Variants in PARD3 observed in about 807,000 individuals in gnomAD.
PARD3 encodes the protein par-3 family cell polarity regulator.
In PARD3, 75 loss-of-function variants were observed where a neutral mutation model predicts 155.4. The ratio of observed to expected loss-of-function variants is 0.48; its 90% confidence interval spans 0.40 to 0.58. The LOEUF (loss-of-function observed/expected upper bound fraction) is 0.58, where lower values mean the gene tolerates loss of function less well. Among genes scored for constraint, PARD3 ranks in the 20% least tolerant of loss-of-function variants. The probability of loss-of-function intolerance (pLI) is 0.00; values close to 1 mark genes in which losing one functional copy is unlikely to be tolerated. For synonymous variants in PARD3, 576 were observed against 610.5 expected (o/e 0.94, Z 0.83); for missense variants, 1,642 against 1,721.7 (o/e 0.95, Z 0.82).
intron 22 of PARD3, among the ~76,000 whole-genome samples, chr10:34,239,802 C>CAAAA (rs200115114): frequency 8.3e-6 from 1 of 120,368 alleles, no homozygotes; most frequent in African/African-American, 3.2e-5. Flanking sequence ...CACTCCATCT[C>CAAAA]AAAAAAAAAA....
At chr10:34,566,096 G>T (rs1037004390) in intron 2 of PARD3, among the ~76,000 whole-genome samples, 9 of 152,190 alleles carry the variant, frequency 5.9e-5, no homozygotes, top group South Asian at 2.1e-4. Flanking sequence ...AATGTTTTGG[G>T]ATGGGAATGA....
At chr10:34,758,200 T>A (rs1235983654) in intron 1 of PARD3, among the ~76,000 whole-genome samples, 1 of 152,194 alleles carries the variant, frequency 6.6e-6, no homozygotes, top group East Asian at 1.9e-4. Context: ...GGATAAACAT[T>A]AGCTGAGTAA....
chr10:34,589,290 G>C (rs1428663636), intron 2 of PARD3, among the ~76,000 whole-genome samples: 1 of 152,126 alleles, frequency 6.6e-6, no homozygotes, highest in Non-Finnish European at 1.5e-5. Flanking sequence ...TACTATTATA[G>C]GTTGAACTGT....
chr10:34,308,596 C>A (rs1016506875), intron 20 of PARD3, among the ~76,000 whole-genome samples: 1 of 152,034 alleles, frequency 6.6e-6, no homozygotes, highest in Admixed American at 6.6e-5. Context: ...GAGCAGTTTG[C>A]GGGGAGGGGG....
At chr10:34,164,829 T>C (rs912702716) in intron 22 of PARD3, among the ~76,000 whole-genome samples, 3 of 152,192 alleles carry the variant, frequency 2.0e-5, no homozygotes, top group Non-Finnish European at 2.9e-5. Flanking sequence ...ATTATTTCCA[T>C]AGTCATTTTG....
chr10:34,790,040 G>A (rs2134237305), intron 1 of PARD3, among the ~76,000 whole-genome samples: 1 of 152,230 alleles, frequency 6.6e-6, no homozygotes, highest in African/African-American at 2.4e-5. Flanking sequence ...TTTGAATCAT[G>A]GGAAAGCTTT....
chr10:34,145,241 T>TTTTTTC, intron 22 of PARD3, among the ~76,000 whole-genome samples: 1 of 118,454 alleles, frequency 8.4e-6, no homozygotes, highest in Non-Finnish European at 1.7e-5. Flanking sequence ...TTTTTTTTTT[T>TTTTTTC]ACAGGATCTT....
chr10:34,379,081 C>G (rs1841559379), intron 9 of PARD3, among the ~76,000 whole-genome samples: 1 of 151,996 alleles, frequency 6.6e-6, no homozygotes, highest in Non-Finnish European at 1.5e-5. Flanking sequence ...ATATTAGTTT[C>G]CATTTCAGTT....
At chr10:34,715,823 G>GA (rs1474675653) in intron 1 of PARD3, among the ~76,000 whole-genome samples, 1 of 152,144 alleles carries the variant, frequency 6.6e-6, no homozygotes, top group Non-Finnish European at 1.5e-5. Flanking sequence ...TCTAGCATAC[G>GA]AATCAACTAG....
At chr10:34,551,145 T>C (rs2084522368) in intron 2 of PARD3, among the ~76,000 whole-genome samples, 1 of 152,202 alleles carries the variant, frequency 6.6e-6, no homozygotes, top group Non-Finnish European at 1.5e-5. Context: ...ATTGCTTGGC[T>C]ATGCATAGTT....
chr10:34,340,100 T>G (rs1041714566), intron 16 of PARD3, among the ~76,000 whole-genome samples: 2 of 152,236 alleles, frequency 1.3e-5, no homozygotes, highest in Admixed American at 1.3e-4. Context: ...CATATTATTT[T>G]CTTTGCCCCA....
At chr10:34,339,690 T>A (rs917559413) in intron 16 of PARD3, among the ~76,000 whole-genome samples, 1 of 152,212 alleles carries the variant, frequency 6.6e-6, no homozygotes, top group Admixed American at 6.5e-5. Flanking sequence ...CCATTTGACA[T>A]GGCCTTCGAC....
At chr10:34,130,041 C>T (rs2132763017) in intron 23 of PARD3, among the ~76,000 whole-genome samples, 1 of 152,210 alleles carries the variant, frequency 6.6e-6, no homozygotes, top group African/African-American at 2.4e-5. Context: ...ATTCCCAACA[C>T]TTTGTCTGAA....
At chr10:34,412,743 C>T (rs74134127) in intron 5 of PARD3, among the ~76,000 whole-genome samples, 114 of 152,124 alleles carry the variant, frequency 7.5e-4, no homozygotes, top group African/African-American at 2.4e-3. Context: ...TAATTAAATC[C>T]GGGATTCATG....
intron 2 of PARD3, among the ~76,000 whole-genome samples, chr10:34,600,111 G>A (rs1164818386): frequency 6.6e-6 from 1 of 151,272 alleles, no homozygotes; most frequent in Non-Finnish European, 1.5e-5. Flanking sequence ...GAGGCAGGTG[G>A]ATGGCTTGAG....
chr10:34,161,654 T>C (rs1949286810), intron 22 of PARD3, among the ~76,000 whole-genome samples: 1 of 152,132 alleles, frequency 6.6e-6, no homozygotes, highest in Non-Finnish European at 1.5e-5. Flanking sequence ...TGACAATAGC[T>C]GGAAAAAAAC....
At chr10:34,428,634 C>T (rs937639858) in intron 5 of PARD3, among the ~76,000 whole-genome samples, 1 of 152,140 alleles carries the variant, frequency 6.6e-6, no homozygotes, top group East Asian at 1.9e-4. Flanking sequence ...AAGAAGACGA[C>T]AACAGCTGTG....
chr10:34,378,128 A>G (rs1202321568), intron 9 of PARD3, 22 bp from the exon 10 acceptor site: 4 of 1,546,952 alleles, frequency 2.6e-6, no homozygotes, highest in Non-Finnish European at 3.5e-6. Flanking sequence ...AAGGAGAAGA[A>G]AAGTAAATAA....
chr10:34,210,449 CT>C (rs1397717766), intron 22 of PARD3, among the ~76,000 whole-genome samples: 1 of 152,132 alleles, frequency 6.6e-6, no homozygotes, highest in Non-Finnish European at 1.5e-5. Flanking sequence ...GGGAGTATTT[CT>C]TTTAGACACC....
Sources: allele counts gnomAD v4.1 joint callset (sites outside exome capture counted in the v4.1 genomes callset), GRCh38; gene constraint gnomAD v4.1.1; transcripts MANE v1.5; gene names NCBI Gene and HGNC (gene_info 2026-07-23, HGNC 2026-07-21).